Variants in SLC25A40 observed in about 807,000 individuals in gnomAD.
The protein encoded by SLC25A40 is solute carrier family 25 member 40.
A neutral mutation model predicts 46.5 loss-of-function variants in SLC25A40; 41 were observed. The observed-to-expected ratio is 0.88, with a 90% CI of 0.69 to 1.14. The LOEUF (loss-of-function observed/expected upper bound fraction) is 1.14. SLC25A40 is among the 50% of genes most tolerant of loss of function. The pLI is 0.00. For synonymous variants in SLC25A40, 126 were observed against 127.5 expected, an observed-to-expected ratio of 0.99 and a Z score of 0.08; for missense variants, 386 against 393.6, an observed-to-expected ratio of 0.98 and a Z score of 0.16.
intron 1 of SLC25A40, among the ~76,000 whole-genome samples, chr7:87,874,739 C>T (rs1224062295): frequency 2.0e-5 from 3 of 152,144 alleles, no homozygotes; most frequent in Non-Finnish European, 4.4e-5. Context: ...AAGTACTACC[C>T]CCTTTTAATA....
At chr7:87,850,768 CAA>C (rs58374165) in intron 5 of SLC25A40, among the ~76,000 whole-genome samples, 2 of 104,364 alleles carry the variant, frequency 1.9e-5, no homozygotes. Flanking sequence ...GACCCTGTCT[CAA>C]AAAAAAAAAA....
chr7:87,867,264 T>C (rs1298582050), intron 1 of SLC25A40, among the ~76,000 whole-genome samples: 2 of 152,240 alleles, frequency 1.3e-5, no homozygotes, highest in African/African-American at 4.8e-5. Flanking sequence ...AGTAATTTTC[T>C]GTATCTTGTA....
intron 1 of SLC25A40, among the ~76,000 whole-genome samples, chr7:87,871,819 G>A (rs7801454): frequency 0.014 from 2,096 of 152,294 alleles, 50 homozygotes; most frequent in African/African-American, 0.048. Context: ...GAATTCACCA[G>A]TGAAGCTATC....
At chr7:87,859,633 A>G (rs56138807) in intron 2 of SLC25A40, among the ~76,000 whole-genome samples, 1 of 152,062 alleles carries the variant, frequency 6.6e-6, no homozygotes. Context: ...GGTCAATACT[A>G]TTTTGCTTGT....
intron 8 of SLC25A40, among the ~76,000 whole-genome samples, chr7:87,844,439 G>A (rs910580117): frequency 2.6e-5 from 4 of 151,978 alleles, no homozygotes; most frequent in African/African-American, 9.7e-5. Context: ...TAAAGAACAT[G>A]CATCAAAAAC....
Position 87,847,012 on chromosome 7 carries a change from C to T in SLC25A40, c.568G>A (p.Asp190Asn). ...CCCCTCCAAAGGGAAATCCAACCAT[C>T]TTCAGATACTTTCTTGCTGACAAAT... Reference protein sequence around the residue: ...HRFVSKKVSEDGWISLWRGWA... With the variant: ...HRFVSKKVSENGWISLWRGWA... The change falls in exon 8 of 12, where the codon GAT (aspartate) becomes AAT (asparagine). Residue 190 changes from aspartate (D) to asparagine (N), a missense_variant. Physicochemically the swap from Asp to Asn is conservative, Grantham distance 23. Coordinates refer to ENST00000341119, the MANE Select transcript of SLC25A40 (RefSeq NM_018843.4). 1 of 1,613,792 alleles carries T rather than the reference C, an allele frequency of 6.2e-7. No homozygotes were observed.
At chr7:87,855,940 A>C (rs1266890654) in intron 4 of SLC25A40, among the ~76,000 whole-genome samples, 2 of 152,204 alleles carry the variant, frequency 1.3e-5, no homozygotes, top group Non-Finnish European at 1.5e-5. Flanking sequence ...TATTCAAGCA[A>C]TAGTTGTATG....
At chr7:87,860,130 G>A (rs1279824201) in intron 2 of SLC25A40, 1 of 152,158 alleles carries the variant, frequency 6.6e-6, no homozygotes, top group African/African-American at 2.4e-5. Flanking sequence ...CCAGGAGGCA[G>A]AAGTTGCAAT....
At chr7:87,836,927 G>T in intron 10 of SLC25A40, 117 bp from the exon 11 acceptor site, 1 of 518,372 alleles carries the variant, frequency 1.9e-6, no homozygotes, top group Admixed American at 4.2e-5. Context: ...CATAAGAAGA[G>T]GTTTGTTTAC....
At chr7:87,843,699 GT>G in intron 9 of SLC25A40, 54 bp downstream of exon 9, 1 of 1,390,444 alleles carries the variant, frequency 7.2e-7, no homozygotes, top group Non-Finnish European at 1.0e-6. Flanking sequence ...ATTTTGTTTT[GT>G]TTTAATACAA....
rs879571333 is a variant in SLC25A40, at chr7:87,854,656, CA to C, written c.158-347del. Among the ~76,000 whole-genome samples the C allele has an allele frequency of 1.5e-3, 231 of 151,134 alleles. 4 individuals are homozygous for C. Among genetic ancestry groups the C allele is most frequent in the Non-Finnish European group, 2.3e-3 (156 of 67,724 alleles). On this transcript the variant is annotated intron_variant, in intron 4 of 11. Coordinates refer to ENST00000341119, the MANE Select transcript of SLC25A40 (RefSeq NM_018843.4). ...TGAAACCCTGTTTCTACTAAAAATACAAAAAATTAGCTGGGCGTGGTGGCGG... is the reference window on the plus strand; with the variant it reads ...TGAAACCCTGTTTCTACTAAAAATACAAAAATTAGCTGGGCGTGGTGGCGG...
intron 4 of SLC25A40, among the ~76,000 whole-genome samples, 159 bp downstream of exon 4, chr7:87,856,133 C>T (rs1053240204): frequency 6.6e-6 from 1 of 151,784 alleles, no homozygotes; most frequent in Admixed American, 6.6e-5. Context: ...TTTGCCTACA[C>T]CTCATCACGT....
rs539675158 is a variant in SLC25A40, at chr7:87,854,297, T to C, written c.171A>G (p.Val57=). The change falls in exon 5 of 12, where the codon GTA becomes GTG. Residue 57 remains valine (V), a synonymous_variant. Transcript: ENST00000341119. The part of the protein sequence containing the change: ...NNPLPKGKCF[V]YSNGLMDHLC... ...GATGATCCATGAGTCCATTACTATA[T>C]ACAAAACATTTTCCTAACAAAGAAG... is the stretch of plus-strand genomic sequence containing the variant. The C allele has an allele frequency of 1.7e-5, 27 of 1,601,634 alleles. No homozygotes were observed. In the African/African-American group the frequency reaches 2.5e-4, roughly 15 times the overall value.
intron 2 of SLC25A40, among the ~76,000 whole-genome samples, chr7:87,858,962 T>C (rs1363473670): frequency 6.6e-6 from 1 of 152,064 alleles, no homozygotes; most frequent in Non-Finnish European, 1.5e-5. Context: ...ACCTCCCCAA[T>C]AGAGTACAGA....
intron 1 of SLC25A40, among the ~76,000 whole-genome samples, chr7:87,863,282 G>A (rs1474760342): frequency 6.6e-6 from 1 of 152,066 alleles, no homozygotes; most frequent in Non-Finnish European, 1.5e-5. Context: ...TCATGAGAGG[G>A]ACCCAGTGAG....
At chr7:87,867,956 T>C (rs1838830904) in intron 1 of SLC25A40, among the ~76,000 whole-genome samples, 2 of 152,236 alleles carry the variant, frequency 1.3e-5, no homozygotes, top group African/African-American at 4.8e-5. Flanking sequence ...AACATACCTC[T>C]TACATTGTGG....
Position 87,858,713 on chromosome 7 carries a change from T to C in SLC25A40, c.15A>G (p.Thr5=). 6.2e-7 allele frequency: 1 copy of C among 1,611,106 alleles called. No homozygotes were observed. Among genetic ancestry groups the C allele is most frequent in the Non-Finnish European group, 8.5e-7 (1 of 1,177,500 alleles). The change falls in exon 3 of 12, where the codon ACA becomes ACG. Residue 5 remains threonine, a synonymous_variant. Coordinates refer to ENST00000341119, the MANE Select transcript of SLC25A40 (RefSeq NM_018843.4). MDPE[T]RGQEIIKVTP... is the part of the protein sequence containing the mutation. The stretch of plus-strand genomic sequence containing the variant: ...TCACTTTGATAATCTCTTGTCCCCT[T>C]GTCTCAGGATCCATATTTTTAACTA...
chr7:87,867,874 G>A (rs1838828627), intron 1 of SLC25A40, among the ~76,000 whole-genome samples: 1 of 152,192 alleles, frequency 6.6e-6, no homozygotes. Flanking sequence ...TCCTGAACAG[G>A]GGAAATCACA....
chr7:87,855,608 A>C (rs1376364638), intron 4 of SLC25A40, among the ~76,000 whole-genome samples: 1 of 152,126 alleles, frequency 6.6e-6, no homozygotes, highest in Non-Finnish European at 1.5e-5. Flanking sequence ...AATGTATAGG[A>C]AATTACCTTT....
Sources: gnomAD v4.1 joint callset for allele counts (sites outside exome capture counted in the v4.1 genomes callset) on GRCh38, gnomAD v4.1.1 for gene constraint, MANE v1.5 for transcripts, NCBI Gene and HGNC (gene_info 2026-07-23, HGNC 2026-07-21) for gene names.